Variants in ATP6V0A4 observed in about 807,000 individuals in gnomAD.
The protein encoded by ATP6V0A4 is ATPase H+ transporting V0 subunit a4.
A neutral mutation model predicts 107.3 loss-of-function variants in ATP6V0A4; 86 were observed. That is an observed-to-expected ratio of 0.80 (90% CI 0.67 to 0.96). The LOEUF is 0.96. Ranked by LOEUF, ATP6V0A4 falls within the 40% of genes least tolerant of loss-of-function variation. ATP6V0A4 has a pLI of 0.00. For missense variants in ATP6V0A4, 908 were observed against 1,045.6 expected (o/e 0.87, Z 1.81); for synonymous variants, 353 against 381.4 (o/e 0.93, Z 0.87).
chr7:138,765,516 G>C (rs758572870), intron 5 of ATP6V0A4, among the ~76,000 whole-genome samples: 31 of 152,138 alleles, frequency 2.0e-4, no homozygotes, highest in Admixed American at 1.2e-3. Flanking sequence ...CCTCCCCCCT[G>C]AATTAGTATT....
chr7:138,792,778 G>GTTTTTTTTTTTTT (rs1365254498), intron 1 of ATP6V0A4, among the ~76,000 whole-genome samples: 1 of 48,018 alleles, frequency 2.1e-5, no homozygotes, highest in African/African-American at 7.4e-5. Flanking sequence ...TTTTTTTTTT[G>GTTTTTTTTTTTTT]TTGTTTTGTT....
intron 10 of ATP6V0A4, 134 bp from the exon 11 acceptor site, chr7:138,752,971 T>C (rs1306356961): frequency 1.5e-5 from 22 of 1,511,664 alleles, no homozygotes; most frequent in Non-Finnish European, 1.9e-5. Flanking sequence ...GGCTGTCACC[T>C]GGCCTTGAAC....
chr7:138,737,219 G>T (rs1231335386), intron 15 of ATP6V0A4, among the ~76,000 whole-genome samples: 2 of 149,518 alleles, frequency 1.3e-5, no homozygotes, highest in Non-Finnish European at 3.0e-5. Context: ...ATTTCCACGT[G>T]CTGTGGGAGG....
intron 19 of ATP6V0A4, among the ~76,000 whole-genome samples, chr7:138,716,579 G>C (rs75978888): frequency 6.7e-5 from 9 of 135,256 alleles, no homozygotes; most frequent in Non-Finnish European, 1.3e-4. Context: ...TTTTTTTGGG[G>C]GGGGGGGAGG....
At chr7:138,730,781 T>C (rs2117233490) in intron 17 of ATP6V0A4, among the ~76,000 whole-genome samples, 2 of 152,316 alleles carry the variant, frequency 1.3e-5, no homozygotes, top group Admixed American at 1.3e-4. Flanking sequence ...TCAAAATACG[T>C]TCAGTTCATG....
intron 1 of ATP6V0A4, among the ~76,000 whole-genome samples, chr7:138,788,497 T>C (rs987290537): frequency 6.6e-6 from 1 of 152,154 alleles, no homozygotes; most frequent in Non-Finnish European, 1.5e-5. Flanking sequence ...TCTTAAAAAT[T>C]AGTAAGAAAC....
chr7:138,734,777 C>CA (rs528307650), intron 15 of ATP6V0A4, among the ~76,000 whole-genome samples: 4,357 of 108,818 alleles, frequency 0.04, 97 homozygotes, highest in Non-Finnish European at 0.055. Flanking sequence ...GACTCTGTCT[C>CA]AAAAAAAAAA....
In ATP6V0A4 at chr7:138,709,928, G is replaced by C. The variant is rs939688493; in HGVS notation, c.2258-133C>G. 2.0e-5 allele frequency: 21 copies of C among 1,058,312 alleles called. No individual in the cohort carries two copies. The East Asian group carries it at 8.0e-4, about 40-fold the overall frequency. The allele number at this position is 1,058,312 out of a possible 1,614,324, so 65.6% of individuals were successfully genotyped here. A position where few individuals can be genotyped will look rare whatever the true frequency, so the allele number is the denominator to read the frequency against. ...AGGGTCTCACTCTGTTGCCTAGGAT[G>C]GTCTCCAACTCCTGGCCTGAAGCAA... On this transcript the variant is annotated intron_variant, in intron 20 of 21. Transcript: ENST00000310018.
At position 138,728,456 on chromosome 7, in the gene ATP6V0A4, A is replaced by T. The variant is rs376780815; in HGVS notation, c.2010+305T>A. Among the ~76,000 whole-genome samples the T allele has an allele frequency of 2.0e-3, 307 of 151,860 alleles. 4 individuals are homozygous for T. The highest frequency in any genetic ancestry group is 7.0e-3 in the African/African-American group (291 of 41,428). ...TAGCCAGGCTGGTCTCAAACTCCCG[A>T]CCTCAGGTGATCCACCCGCCTCGGC... On this transcript the variant is annotated intron_variant, in intron 18 of 21. Transcript: ENST00000310018.
At chr7:138,791,151 T>A in intron 1 of ATP6V0A4, among the ~76,000 whole-genome samples, 1 of 150,672 alleles carries the variant, frequency 6.6e-6, no homozygotes, top group African/African-American at 2.4e-5. Context: ...GAAAAAAAAA[T>A]ATAAAAAAGA....
At chr7:138,757,085 T>C (rs1030627132) in intron 8 of ATP6V0A4, among the ~76,000 whole-genome samples, 2 of 152,148 alleles carry the variant, frequency 1.3e-5, no homozygotes, top group African/African-American at 2.4e-5. Flanking sequence ...CAAGTCCAAG[T>C]TGGACAATTC....
At position 138,752,777 on chromosome 7, in the gene ATP6V0A4, G is replaced by A; in HGVS notation, c.877C>T (p.His293Tyr). 6.2e-7 allele frequency: 1 copy of A among 1,614,224 alleles called. No individual in the cohort carries two copies. Among genetic ancestry groups the A allele is most frequent in the South Asian group, 1.1e-5 (1 of 91,080 alleles). ...TTCTGCACCTTGATGAGCCAGGAGTGCCAGTTGGCAGCGGCTTCCTGCAGC... is the reference window on the plus strand; with the variant it reads ...TTCTGCACCTTGATGAGCCAGGAGTACCAGTTGGCAGCGGCTTCCTGCAGC... ...RLLQEAAANW[H>Y]SWLIKVQKMK... The change falls in exon 11 of 22, where the codon CAC becomes TAC. Residue 293 changes from histidine (H) to tyrosine (Y), a missense_variant. His to Tyr is a moderately conservative substitution (Grantham distance 83). Coordinates refer to ENST00000310018, the MANE Select transcript of ATP6V0A4 (RefSeq NM_020632.3).
At chr7:138,755,112 C>A (rs969765173) in intron 10 of ATP6V0A4, among the ~76,000 whole-genome samples, 1 of 152,096 alleles carries the variant, frequency 6.6e-6, no homozygotes, top group African/African-American at 2.4e-5. Flanking sequence ...AGTCTGCCAG[C>A]GAGGGAGGCC....
intron 11 of ATP6V0A4, among the ~76,000 whole-genome samples, chr7:138,750,176 C>T (rs1434710389): frequency 1.3e-5 from 2 of 152,198 alleles, no homozygotes; most frequent in Admixed American, 1.3e-4. Context: ...TTCACACCTT[C>T]ACCCTTCCCC....
chr7:138,748,411 T>G (rs1168457458), intron 12 of ATP6V0A4, among the ~76,000 whole-genome samples: 1 of 152,004 alleles, frequency 6.6e-6, no homozygotes, highest in Non-Finnish European at 1.5e-5. Flanking sequence ...TTTATTTTAT[T>G]TTATCTATTT....
intron 21 of ATP6V0A4, among the ~76,000 whole-genome samples, chr7:138,708,687 C>T (rs1002480437): frequency 4.6e-5 from 7 of 152,164 alleles, no homozygotes; most frequent in Non-Finnish European, 1.0e-4. Context: ...TCCCGGTGAG[C>T]GTCTCCCTCC....
rs143627747 is a variant in ATP6V0A4, at chr7:138,797,009, C to T, written c.-121+1025G>A. On this transcript the variant is annotated intron_variant, in intron 1 of 21. Transcript: ENST00000310018. ...CTCTACCAGGCACGCAGAAGCTTAGCCCACAGCTCTCCTCTTGCCTCCCCA... is the reference window on the plus strand; with the variant it reads ...CTCTACCAGGCACGCAGAAGCTTAGTCCACAGCTCTCCTCTTGCCTCCCCA... Among the ~76,000 whole-genome samples the T allele has an allele frequency of 2.7e-3, 409 of 152,268 alleles. 2 individuals are homozygous for T. The highest frequency in any genetic ancestry group is 9.0e-3 in the African/African-American group (376 of 41,552).
In ATP6V0A4 at chr7:138,740,383, C is replaced by A. The variant is rs532903859; in HGVS notation, c.1479-750G>T. Among the ~76,000 whole-genome samples, 4 of 151,824 alleles carry A rather than the reference C, an allele frequency of 2.6e-5. No homozygotes were observed. In the South Asian group the frequency reaches 8.4e-4, roughly 32 times the overall value. ...ATTGTATGTCTTTAAATCTGTGTCC[C>A]CTTTTCACCCAGAAGAATGGATGTC... is the stretch of plus-strand genomic sequence containing the variant. On this transcript the variant is annotated intron_variant, in intron 14 of 21. Coordinates refer to ENST00000310018, the MANE Select transcript of ATP6V0A4 (RefSeq NM_020632.3).
At chr7:138,734,342 G>A in intron 15 of ATP6V0A4, 88 bp from the exon 16 acceptor site, 2 of 1,588,400 alleles carry the variant, frequency 1.3e-6, no homozygotes, top group Non-Finnish European at 1.7e-6. Flanking sequence ...CTTTCCCTAA[G>A]CAAACCGCTC....
Sources: gnomAD v4.1 joint callset for allele counts (sites outside exome capture counted in the v4.1 genomes callset) on GRCh38, gnomAD v4.1.1 for gene constraint, MANE v1.5 for transcripts, NCBI Gene and HGNC (gene_info 2026-07-23, HGNC 2026-07-21) for gene names.